RYR3: variants seen among roughly 807,000 people sequenced by gnomAD.
The protein encoded by RYR3 is ryanodine receptor 3.
A neutral mutation model predicts 584.3 loss-of-function variants in RYR3; 207 were observed. The observed-to-expected ratio is 0.35, with a 90% CI of 0.32 to 0.40. RYR3 has a LOEUF of 0.40. Ranked by LOEUF, RYR3 falls within the 10% of genes least tolerant of loss-of-function variation. RYR3 has a pLI of 1.00. For missense variants in RYR3, 5,616 were observed against 6,089.2 expected (o/e 0.92, Z 2.59); for synonymous variants, 2,416 against 2,248.5 (o/e 1.07, Z -2.11).
At position 33,550,181 on chromosome 15, in the gene RYR3, A is replaced by G; in HGVS notation, c.837A>G (p.Arg279=). 1 of 1,613,398 alleles carries G rather than the reference A, an allele frequency of 6.2e-7. No individual in the cohort carries two copies. Among genetic ancestry groups the G allele is most frequent in the Non-Finnish European group, 8.5e-7 (1 of 1,179,722 alleles). Reference sequence around the variant, plus strand: ...CCAGCTGGAGTGGCAGTAACATCAGATGGGGCCAGGCTTTCCGACTCCGGC... The same window carrying G: ...CCAGCTGGAGTGGCAGTAACATCAGGTGGGGCCAGGCTTTCCGACTCCGGC... ...LRISWSGSNI[R]WGQAFRLRHL... is the part of the protein sequence containing the mutation. The change falls in exon 10 of 104, where the codon AGA becomes AGG. Residue 279 remains arginine, a synonymous_variant. Coordinates refer to ENST00000634891, the MANE Select transcript of RYR3 (RefSeq NM_001036.6).
chr15:33,505,783 C>T (rs531314227), intron 3 of RYR3, among the ~76,000 whole-genome samples: 11 of 152,242 alleles, frequency 7.2e-5, no homozygotes, highest in African/African-American at 9.6e-5. Context: ...TGAGCCACCA[C>T]GCCTGGCCGG....
Position 33,844,867 on chromosome 15 carries a change from T to C in RYR3, c.13302T>C (p.Thr4434=). 1 of 1,611,454 alleles carries C rather than the reference T, an allele frequency of 6.2e-7. No individual in the cohort carries two copies. Among genetic ancestry groups the C allele is most frequent in the Non-Finnish European group, 8.5e-7 (1 of 1,178,268 alleles). ...GAGTGTGTATTTTGAGCCAGGTCAC[T>C]GAAGAACCTTTAGAAGAAGAGACAG... The part of the protein sequence containing the change: ...INFILLFYKV[T]EEPLEEETED... The change falls in exon 93 of 104, where the codon ACT becomes ACC. Residue 4434 remains threonine (T), a synonymous_variant. Transcript: ENST00000634891.
At chr15:33,803,150 G>A (rs55853038) in intron 69 of RYR3, among the ~76,000 whole-genome samples, 11,986 of 152,254 alleles carry the variant, frequency 0.079, 734 homozygotes, top group African/African-American at 0.16. Context: ...TATAGAAATT[G>A]ACTGTTAGAG....
chr15:33,661,003 C>T (rs190232609), intron 34 of RYR3, among the ~76,000 whole-genome samples: 36 of 152,238 alleles, frequency 2.4e-4, no homozygotes, highest in Middle Eastern at 3.4e-3. Context: ...ATAAATGTTA[C>T]GGTTATTGCC....
intron 1 of RYR3, among the ~76,000 whole-genome samples, chr15:33,420,054 A>G (rs1334716239): frequency 6.6e-6 from 1 of 152,224 alleles, no homozygotes; most frequent in Non-Finnish European, 1.5e-5. Context: ...GACTGTTATG[A>G]TGCCTCTAAG....
intron 51 of RYR3, among the ~76,000 whole-genome samples, chr15:33,741,041 T>G (rs1217978852): frequency 3.3e-5 from 5 of 152,296 alleles, no homozygotes; most frequent in South Asian, 4.1e-4. Context: ...ACAAAGCAAA[T>G]GGCGTAGTAA....
intron 12 of RYR3, among the ~76,000 whole-genome samples, chr15:33,567,322 C>T (rs2057768810): frequency 6.6e-6 from 1 of 152,160 alleles, no homozygotes; most frequent in African/African-American, 2.4e-5. Context: ...ATAATGCTTC[C>T]AAAACAGAAC....
intron 32 of RYR3, among the ~76,000 whole-genome samples, chr15:33,655,303 T>C (rs1047272149): frequency 6.6e-6 from 1 of 152,220 alleles, no homozygotes; most frequent in Non-Finnish European, 1.5e-5. Context: ...TCCTTCAAAA[T>C]CCATTAGCTT....
At chr15:33,603,859 G>A (rs971529008) in intron 18 of RYR3, among the ~76,000 whole-genome samples, 16 of 152,212 alleles carry the variant, frequency 1.1e-4, no homozygotes, top group African/African-American at 3.9e-4. Context: ...ACAGCCTGTT[G>A]CTTCATAATA....
intron 18 of RYR3, among the ~76,000 whole-genome samples, chr15:33,612,858 C>T (rs1489230067): frequency 6.6e-6 from 1 of 152,212 alleles, no homozygotes; most frequent in East Asian, 1.9e-4. Context: ...TCTGTTACTT[C>T]AGACACCAGG....
At chr15:33,379,027 C>T (rs1337111856) in intron 1 of RYR3, among the ~76,000 whole-genome samples, 1 of 152,012 alleles carries the variant, frequency 6.6e-6, no homozygotes, top group African/African-American at 2.4e-5. Context: ...TCTATGTTAC[C>T]ACAAAGGTTC....
intron 100 of RYR3, among the ~76,000 whole-genome samples, chr15:33,860,118 T>C (rs1237468138): frequency 6.6e-6 from 1 of 152,050 alleles, no homozygotes; most frequent in African/African-American, 2.4e-5. Flanking sequence ...AGAATGATAT[T>C]TTAGTCAACA....
At chr15:33,346,213 G>A (rs751993817) in intron 1 of RYR3, among the ~76,000 whole-genome samples, 6 of 152,218 alleles carry the variant, frequency 3.9e-5, no homozygotes, top group Non-Finnish European at 5.9e-5. Context: ...AGATGGCTGT[G>A]TGCGTGTATG....
intron 26 of RYR3, among the ~76,000 whole-genome samples, 156 bp downstream of exon 26, chr15:33,635,975 G>A (rs908495753): frequency 1.3e-5 from 2 of 152,194 alleles, no homozygotes; most frequent in African/African-American, 4.8e-5. Context: ...CCTAGTGACT[G>A]TTTCTTTGCT....
intron 77 of RYR3, 69 bp from the exon 78 acceptor site, chr15:33,820,687 G>A: frequency 1.5e-6 from 2 of 1,339,930 alleles, no homozygotes; most frequent in Non-Finnish European, 2.1e-6. Context: ...CCCTTGTAGA[G>A]TTGTGTTTAT....
rs184319265 is a variant in RYR3, at chr15:33,862,188, C to G, written c.14465+1010C>G. ...CTCCCCAGCCTAGCTCTTCCCCCTT[C>G]TCTCTCTATTTTGTAGCTTAGAGAG... On this transcript the variant is annotated intron_variant, in intron 102 of 103. Transcript: ENST00000634891. Among the ~76,000 whole-genome samples, 301 of 142,096 alleles carry G rather than the reference C, an allele frequency of 2.1e-3. 2 individuals carry two copies. Among genetic ancestry groups the G allele is most frequent in the Middle Eastern group, 0.02 (5 of 256 alleles). The allele number at this position is 142,096 out of a possible 152,430, so 93.2% of individuals were successfully genotyped here.
chr15:33,404,587 G>GTTT lies in RYR3; in HGVS notation c.52-68831_52-68830insTTT, dbSNP rs1314769832. On this transcript the variant is annotated intron_variant, in intron 1 of 103. Coordinates refer to ENST00000634891, the MANE Select transcript of RYR3 (RefSeq NM_001036.6). Reference sequence around the variant, plus strand: ...ATGAGGAATTACTATTTACTACTGTGTGTTTTTTTTTTTTTTACTTGTAAC... The same window carrying GTTT: ...ATGAGGAATTACTATTTACTACTGTGTTTTGTTTTTTTTTTTTTTACTTGTAAC... Among the ~76,000 whole-genome samples, 856 of 130,894 alleles carry GTTT rather than the reference G, an allele frequency of 6.5e-3. 10 individuals carry two copies. Among genetic ancestry groups the GTTT allele is most frequent in the South Asian group, 0.014 (60 of 4,208 alleles). 85.9% of individuals were successfully genotyped at this position (130,894 alleles called of 152,430 possible). A position where few individuals can be genotyped will look rare whatever the true frequency, so the allele number is the denominator to read the frequency against.
At chr15:33,632,871 T>C (rs1339162652) in intron 23 of RYR3, 78 bp from the exon 24 acceptor site, 21 of 1,277,480 alleles carry the variant, frequency 1.6e-5, no homozygotes, top group Non-Finnish European at 1.8e-5. Context: ...GTTCTTACCA[T>C]GTGCTCTTGG....
chr15:33,520,494 T>A (rs2053899272), intron 3 of RYR3, among the ~76,000 whole-genome samples: 1 of 152,056 alleles, frequency 6.6e-6, no homozygotes, highest in South Asian at 2.1e-4. Flanking sequence ...ACCAGAGCAG[T>A]GACTAGAAAA....
Sources: allele counts gnomAD v4.1 joint callset (sites outside exome capture counted in the v4.1 genomes callset), GRCh38; gene constraint gnomAD v4.1.1; transcripts MANE v1.5; gene names NCBI Gene and HGNC (gene_info 2026-07-23, HGNC 2026-07-21).